Variants in DNAAF5 observed in about 807,000 individuals in gnomAD.
DNAAF5 encodes the protein HEAT repeat containing 2.
DNAAF5 carries 64 observed loss-of-function variants against 75.8 expected under a neutral mutation model. The ratio of observed to expected loss-of-function variants is 0.84; its 90% confidence interval spans 0.69 to 1.04. The LOEUF (loss-of-function observed/expected upper bound fraction) is 1.04. Among genes scored for constraint, DNAAF5 ranks in the 50% least tolerant of loss-of-function variants. The probability of loss-of-function intolerance (pLI) is 0.00; values close to 1 mark genes in which losing one functional copy is unlikely to be tolerated. For synonymous variants in DNAAF5, 657 were observed against 557.2 expected (o/e 1.18, Z -2.52); for missense variants, 1,269 against 1,178.5 (o/e 1.08, Z -1.12).
chr7:759,564 A>G (rs190667128), intron 6 of DNAAF5, among the ~76,000 whole-genome samples: 3 of 152,376 alleles, frequency 2.0e-5, no homozygotes, highest in East Asian at 1.9e-4. Context: ...TCAGAAAACA[A>G]TGTTTGAAAT....
intron 12 of DNAAF5, among the ~76,000 whole-genome samples, chr7:782,388 C>G (rs933014935): frequency 1.1e-4 from 13 of 120,910 alleles, no homozygotes; most frequent in East Asian, 2.9e-4. Context: ...CAGAAACTCG[C>G]ATCTTCCCGG....
chr7:753,844 G>T lies in DNAAF5; in HGVS notation c.1025-745G>T, dbSNP rs1583494991. 2.1e-5 allele frequency among the ~76,000 whole-genome samples: 3 copies of T among 142,706 alleles called. No individual in the cohort carries two copies. The South Asian group carries it at 6.8e-4, about 32-fold the overall frequency. The allele number at this position is 142,706 out of a possible 152,430, so 93.6% of individuals were successfully genotyped here. On this transcript the variant is annotated intron_variant, in intron 4 of 12. Transcript: ENST00000297440. ...TCATCATATGGGGATGGCTTCGCAG[G>T]CGTGTCTCTCTGATCATATGGCGAC... is the stretch of plus-strand genomic sequence containing the variant.
Position 729,681 on chromosome 7 carries a change from C to G in DNAAF5, c.614C>G (p.Ser205Trp). The change falls in exon 2 of 13, where the codon TCG becomes TGG. Residue 205 changes from serine to tryptophan, a missense_variant. Physicochemically the swap from Ser to Trp is radical, Grantham distance 177. Coordinates refer to ENST00000297440, the MANE Select transcript of DNAAF5 (RefSeq NM_017802.4). ...QATPDHFHMQ[S>W]ESLIGPLMQT... The stretch of plus-strand genomic sequence containing the variant: ...CCCTCAGACCACTTCCACATGCAGT[C>G]GGAGTCTCTGATCGGGCCCCTGATG... 6.2e-7 allele frequency: 1 copy of G among 1,613,930 alleles called. No homozygotes were observed. The highest frequency in any genetic ancestry group is 1.1e-5 in the South Asian group (1 of 91,052).
At chr7:731,521 G>A (rs1781562071) in intron 2 of DNAAF5, among the ~76,000 whole-genome samples, 1 of 152,160 alleles carries the variant, frequency 6.6e-6, no homozygotes, top group Non-Finnish European at 1.5e-5. Flanking sequence ...AGCCTACTCT[G>A]TATCAATAGC....
chr7:728,562 T>C (rs1781447098), intron 1 of DNAAF5, among the ~76,000 whole-genome samples: 2 of 152,236 alleles, frequency 1.3e-5, no homozygotes, highest in South Asian at 4.1e-4. Flanking sequence ...GGGAAGAACC[T>C]TGGGCTGGAT....
rs1292420743 is a variant in DNAAF5 at position 786,313 on chromosome 7, C to T, written c.*660C>T. 1 of 152,262 alleles carries T rather than the reference C, an allele frequency of 6.6e-6. No homozygotes were observed. The highest frequency in any genetic ancestry group is 1.5e-5 in the Non-Finnish European group (1 of 68,074). 9.4% of individuals were successfully genotyped at this position (152,262 alleles called of 1,614,324 possible). A position where few individuals can be genotyped will look rare whatever the true frequency, so the allele number is the denominator to read the frequency against. On this transcript the variant is annotated 3_prime_UTR_variant, in exon 13 of 13. Coordinates refer to ENST00000297440, the MANE Select transcript of DNAAF5 (RefSeq NM_017802.4). Reference sequence around the variant, plus strand: ...CAGGAAAGTAAAGTTGCATTTCCCTCTCGCACATTCTACACCCAAGTGCCT... The same window carrying T: ...CAGGAAAGTAAAGTTGCATTTCCCTTTCGCACATTCTACACCCAAGTGCCT...
At chr7:743,265 C>T (rs1781976586) in intron 4 of DNAAF5, among the ~76,000 whole-genome samples, 1 of 152,118 alleles carries the variant, frequency 6.6e-6, no homozygotes, top group Non-Finnish European at 1.5e-5. Context: ...ATCCCAGCTG[C>T]TCCAGAGGCT....
At chr7:750,702 C>A (rs1053360193) in intron 4 of DNAAF5, among the ~76,000 whole-genome samples, 1 of 152,154 alleles carries the variant, frequency 6.6e-6, no homozygotes, top group Non-Finnish European at 1.5e-5. Context: ...AGGCCTTAAA[C>A]CAGTCCCAGC....
intron 9 of DNAAF5, chr7:770,957 G>C (rs1036230953): frequency 4.0e-6 from 1 of 247,822 alleles, no homozygotes; most frequent in African/African-American, 2.2e-5. Flanking sequence ...ATCCTCACTG[G>C]GTAAACACAA....
intron 5 of DNAAF5, among the ~76,000 whole-genome samples, chr7:755,577 CTGTTACT>C: frequency 6.6e-6 from 1 of 152,190 alleles, no homozygotes; most frequent in African/African-American, 2.4e-5. Flanking sequence ...GTCCAGGTCA[CTGTTACT>C]AGCCCAGCGT....
chr7:748,503 C>T (rs1782188758), intron 4 of DNAAF5, among the ~76,000 whole-genome samples: 1 of 152,172 alleles, frequency 6.6e-6, no homozygotes, highest in Admixed American at 6.5e-5. Context: ...GGACCCCTTC[C>T]GTGCTCTGGA....
intron 10 of DNAAF5, among the ~76,000 whole-genome samples, chr7:774,419 C>CG (rs1192995791): frequency 6.6e-6 from 1 of 152,166 alleles, no homozygotes; most frequent in Non-Finnish European, 1.5e-5. Flanking sequence ...AGCCAGGCCG[C>CG]GGGCCCAGCC....
intron 2 of DNAAF5, 127 bp downstream of exon 2, chr7:729,974 C>T: frequency 1.1e-6 from 1 of 883,126 alleles, no homozygotes; most frequent in East Asian, 2.6e-5. Flanking sequence ...TTTCATTATT[C>T]CTAGTCACAG....
chr7:782,364 C>T (rs1186892654), intron 12 of DNAAF5, among the ~76,000 whole-genome samples: 1 of 151,474 alleles, frequency 6.6e-6, no homozygotes, highest in Non-Finnish European at 1.5e-5. Context: ...TGGCCGCCTC[C>T]CGTCACGCGG....
chr7:730,186 G>A (rs1328539529), intron 2 of DNAAF5, among the ~76,000 whole-genome samples: 2 of 152,306 alleles, frequency 1.3e-5, no homozygotes, highest in East Asian at 3.9e-4. Flanking sequence ...ACCATGGTTG[G>A]TGGACCTGGA....
intron 12 of DNAAF5, 98 bp from the exon 13 acceptor site, chr7:785,419 C>T (rs1203749402): frequency 3.7e-6 from 5 of 1,352,736 alleles, no homozygotes; most frequent in Admixed American, 1.9e-5. Flanking sequence ...GATGCTTTTA[C>T]AGATGCTTGA....
At chr7:743,065 G>A (rs1488405772) in intron 4 of DNAAF5, among the ~76,000 whole-genome samples, 1 of 152,206 alleles carries the variant, frequency 6.6e-6, no homozygotes, top group Non-Finnish European at 1.5e-5. Flanking sequence ...GTCAAATACA[G>A]CATTAAAGTA....
chr7:771,489 C>G (rs1380345571), intron 9 of DNAAF5: 1 of 152,330 alleles, frequency 6.6e-6, no homozygotes, highest in Non-Finnish European at 1.5e-5. Context: ...AGTTCACACA[C>G]CAGAGCCTCA....
intron 2 of DNAAF5, chr7:732,599 C>T (rs1261041349): frequency 6.6e-6 from 3 of 455,988 alleles, no homozygotes; most frequent in East Asian, 1.4e-4. Context: ...GAGTGTTTGT[C>T]ACGTTCCTGC....
Sources: gnomAD v4.1 joint callset for allele counts (sites outside exome capture counted in the v4.1 genomes callset) on GRCh38, gnomAD v4.1.1 for gene constraint, MANE v1.5 for transcripts, NCBI Gene and HGNC (gene_info 2026-07-23, HGNC 2026-07-21) for gene names.